The following RTKN2 variants were observed in gnomAD, a reference collection of about 807,000 sequenced individuals.
The protein encoded by RTKN2 is rhotekin-2.
RTKN2 carries 69 observed loss-of-function variants against 71.5 expected under a neutral mutation model. The ratio of observed to expected loss-of-function variants is 0.96; its 90% CI spans 0.79 to 1.18. The LOEUF is 1.18. RTKN2 is among the 50% of genes most tolerant of loss of function. RTKN2 has a pLI of 0.00. For missense variants in RTKN2, 724 were observed against 719.7 expected, an observed-to-expected ratio of 1.01 and a Z score of -0.07; for synonymous variants, 236 against 236.5, an observed-to-expected ratio of 1.00 and a Z score of 0.02.
chr10:62,252,451 C>G (rs74156145), intron 2 of RTKN2, among the ~76,000 whole-genome samples: 140 of 152,174 alleles, frequency 9.2e-4, no homozygotes, highest in African/African-American at 3.2e-3. Context: ...TGATGAACTT[C>G]TTCCAAAAGG....
chr10:62,197,335 A>G lies in RTKN2; in HGVS notation c.*573T>C, dbSNP rs1263240841. 5.8e-5 allele frequency: 57 copies of G among 984,714 alleles called. No individual in the cohort carries two copies. Among genetic ancestry groups the G allele is most frequent in the Non-Finnish European group, 6.8e-5 (56 of 829,006 alleles). 61.0% of individuals were successfully genotyped at this position (984,714 alleles called of 1,614,324 possible). On this transcript the variant is annotated 3_prime_UTR_variant, in exon 12 of 12. Transcript: ENST00000373789. Reference sequence around the variant, plus strand: ...TACAAATTCCCTTTAAAGATGAAGAATTTAATATTCTAAAATTTATCCCAG... The same window carrying G: ...TACAAATTCCCTTTAAAGATGAAGAGTTTAATATTCTAAAATTTATCCCAG...
chr10:62,196,890 T>A lies in RTKN2; in HGVS notation c.*1018A>T. 1 of 983,544 alleles carries A rather than the reference T, an allele frequency of 1.0e-6. No individual in the cohort carries two copies. Among genetic ancestry groups the A allele is most frequent in the Non-Finnish European group, 1.2e-6 (1 of 828,246 alleles). The allele number at this position is 983,544 out of a possible 1,614,324, so 60.9% of individuals were successfully genotyped here. A position where few individuals can be genotyped will look rare whatever the true frequency, so the allele number is the denominator to read the frequency against. ...CTTTATAATCCTGTTTGGGTCACTA[T>A]GATTAGTTGCTATGGAAATTACCTC... On this transcript the variant is annotated 3_prime_UTR_variant, in exon 12 of 12. Transcript: ENST00000373789.
chr10:62,224,601 G>A (rs1841980839), intron 6 of RTKN2, among the ~76,000 whole-genome samples: 1 of 151,990 alleles, frequency 6.6e-6, no homozygotes, highest in Non-Finnish European at 1.5e-5. Context: ...AAAAAAGTAG[G>A]CAGAGGAATA....
At chr10:62,206,120 A>G (rs1370970473) in intron 9 of RTKN2, among the ~76,000 whole-genome samples, 2 of 152,242 alleles carry the variant, frequency 1.3e-5, no homozygotes, top group Non-Finnish European at 2.9e-5. Flanking sequence ...TCCAGTTTGT[A>G]TTTTACACTT....
At chr10:62,219,128 T>C (rs534321065) in intron 7 of RTKN2, among the ~76,000 whole-genome samples, 1 of 152,250 alleles carries the variant, frequency 6.6e-6, no homozygotes, top group South Asian at 2.1e-4. Flanking sequence ...AACATGAACA[T>C]CTGTGCCAGG....
chr10:62,266,334 T>C (rs1277213127), intron 1 of RTKN2, among the ~76,000 whole-genome samples: 1 of 152,122 alleles, frequency 6.6e-6, no homozygotes, highest in East Asian at 1.9e-4. Context: ...GAAGTTGAAC[T>C]CCCGGTAAGA....
At position 62,193,558 on chromosome 10, in the gene RTKN2, C is replaced by T. The variant is rs1266640107; in HGVS notation, c.*4350G>A. On this transcript the variant is annotated 3_prime_UTR_variant, in exon 12 of 12. Coordinates refer to ENST00000373789, the MANE Select transcript of RTKN2 (RefSeq NM_145307.4). The stretch of plus-strand genomic sequence containing the variant: ...TTAATTTTAAATATTTCTGATCACA[C>T]TACAGATTTAGAAATAAAATGCTGA... 2.0e-6 allele frequency: 2 copies of T among 982,182 alleles called. No individual in the cohort carries two copies. The highest frequency in any genetic ancestry group is 1.7e-5 in the African/African-American group (1 of 57,162). 60.8% of individuals were successfully genotyped at this position (982,182 alleles called of 1,614,324 possible).
In RTKN2 at chr10:62,236,259, C is replaced by T. The variant is rs1300539252; in HGVS notation, c.493G>A (p.Glu165Lys). 3 of 1,597,210 alleles carry T rather than the reference C, an allele frequency of 1.9e-6. No individual in the cohort carries two copies. The highest frequency in any genetic ancestry group is 3.4e-5 in the Admixed American group (2 of 58,298). ...TTTATCTGAAAGTCTGGCCCTGCTT[C>T]ATTACTAAAAACAAGGGCATTCATA... Reference protein sequence around the residue: ...ICFENVTIFNEAGPDFQIKVE... With the variant: ...ICFENVTIFNKAGPDFQIKVE... The change falls in exon 6 of 12, where the codon GAA becomes AAA. Residue 165 changes from glutamate to lysine, a missense_variant. By Grantham distance (56) the Glu-to-Lys change is moderately conservative. Transcript: ENST00000373789.
chr10:62,188,850 C>T (rs551480608), downstream of RTKN2, among the ~76,000 whole-genome samples: 1 of 152,054 alleles, frequency 6.6e-6, no homozygotes, highest in East Asian at 1.9e-4. Flanking sequence ...CGGGTTCACA[C>T]CATTCTCTTG....
chr10:62,263,795 C>G (rs1454677234), intron 1 of RTKN2, among the ~76,000 whole-genome samples: 1 of 152,076 alleles, frequency 6.6e-6, no homozygotes, highest in Admixed American at 6.6e-5. Flanking sequence ...TCTGGACATA[C>G]CATTTATTTT....
chr10:62,235,421 A>G (rs1021944428), intron 6 of RTKN2, among the ~76,000 whole-genome samples: 2 of 152,340 alleles, frequency 1.3e-5, no homozygotes, highest in African/African-American at 4.8e-5. Context: ...ATACTTTGAC[A>G]TATACATAGT....
chr10:62,204,424 T>C (rs1345427056), intron 10 of RTKN2, among the ~76,000 whole-genome samples: 2 of 152,216 alleles, frequency 1.3e-5, no homozygotes, highest in Non-Finnish European at 2.9e-5. Context: ...TCCAAGAAGA[T>C]GATAACGAAT....
At chr10:62,241,922 A>T (rs1236194416) in intron 3 of RTKN2, among the ~76,000 whole-genome samples, 1 of 151,620 alleles carries the variant, frequency 6.6e-6, no homozygotes, top group African/African-American at 2.4e-5. Context: ...GATGGTCTTG[A>T]TCTCCTGACC....
At chr10:62,246,757 G>A (rs2009239) in intron 2 of RTKN2, among the ~76,000 whole-genome samples, 2,731 of 15,792 alleles carry the variant, frequency 0.17, 417 homozygotes, top group East Asian at 0.51. Flanking sequence ...AAAACTTTAA[G>A]AAGATAGAAA....
Position 62,195,394 on chromosome 10 carries a change from AAAAC to A in RTKN2, c.*2510_*2513del, listed in dbSNP as rs914325902. The A allele has an allele frequency of 3.2e-5, 31 of 983,464 alleles. No homozygotes were observed. Among genetic ancestry groups the A allele is most frequent in the Admixed American group, 3.1e-4 (5 of 16,248 alleles). The allele number at this position is 983,464 out of a possible 1,614,324, so 60.9% of individuals were successfully genotyped here. A position where few individuals can be genotyped will look rare whatever the true frequency, so the allele number is the denominator to read the frequency against. Reference sequence around the variant, plus strand: ...ATAAACTTCTGGTTTAAGAAATGAGAAAACAAACAATTCTTTTGAAACACTCTTT... The same window carrying A: ...ATAAACTTCTGGTTTAAGAAATGAGAAAACAATTCTTTTGAAACACTCTTT... On this transcript the variant is annotated 3_prime_UTR_variant, in exon 12 of 12. Transcript: ENST00000373789.
rs563476698 is a variant in RTKN2, at chr10:62,222,276, T to C, written c.781+962A>G. Among the ~76,000 whole-genome samples, 8 of 146,128 alleles carry C rather than the reference T, an allele frequency of 5.5e-5. No individual in the cohort carries two copies. In the East Asian group the frequency reaches 9.9e-4, roughly 18 times the overall value. On this transcript the variant is annotated intron_variant, in intron 7 of 11. Coordinates refer to ENST00000373789, the MANE Select transcript of RTKN2 (RefSeq NM_145307.4). ...TGCATGCACGACCATGGCCAGCTAC[T>C]TTTTTTTTTTATTTTTGTAGAGATA...
intron 8 of RTKN2, among the ~76,000 whole-genome samples, chr10:62,187,111 CTT>C (rs2132755789): frequency 6.6e-6 from 1 of 152,156 alleles, no homozygotes; most frequent in East Asian, 1.9e-4. Flanking sequence ...TTTTACTAAA[CTT>C]AATTTCTTGG....
At chr10:62,207,461 T>C (rs1841570705) in intron 9 of RTKN2, among the ~76,000 whole-genome samples, 1 of 152,104 alleles carries the variant, frequency 6.6e-6, no homozygotes, top group Non-Finnish European at 1.5e-5. Flanking sequence ...AAAAAGTGAT[T>C]AATACAAGTA....
intron 6 of RTKN2, among the ~76,000 whole-genome samples, chr10:62,226,571 C>G (rs1181839849): frequency 6.6e-6 from 1 of 152,184 alleles, no homozygotes; most frequent in Non-Finnish European, 1.5e-5. Flanking sequence ...GAGTTACATT[C>G]TGAATTGGTA....
Sources: gnomAD v4.1 joint callset for allele counts (sites outside exome capture counted in the v4.1 genomes callset) on GRCh38, gnomAD v4.1.1 for gene constraint, MANE v1.5 for transcripts, NCBI Gene and HGNC (gene_info 2026-07-23, HGNC 2026-07-21) for gene names.